The following GTF3C1 variants were observed in gnomAD, a reference collection of about 807,000 sequenced individuals.
GTF3C1 encodes the protein general transcription factor IIIC subunit 1.
A neutral mutation model predicts 226.7 loss-of-function variants in GTF3C1; 57 were observed. That is an observed-to-expected ratio of 0.25 (90% CI 0.20 to 0.31). The LOEUF (loss-of-function observed/expected upper bound fraction) is 0.31, where lower values mean the gene tolerates loss of function less well. Ranked by LOEUF, GTF3C1 falls within the 10% of genes least tolerant of loss-of-function variation. The pLI is 1.00. For missense variants in GTF3C1, 2,217 were observed against 2,776.1 expected, an observed-to-expected ratio of 0.80 and a Z score of 4.53; for synonymous variants, 1,090 against 1,084.8, an observed-to-expected ratio of 1.00 and a Z score of -0.09.
At chr16:27,546,450 T>C (rs1369863500) in intron 1 of GTF3C1, among the ~76,000 whole-genome samples, 1 of 146,212 alleles carries the variant, frequency 6.8e-6, no homozygotes, top group Non-Finnish European at 1.5e-5. Context: ...GCTTCTTTCA[T>C]GCAGTTAGCC....
intron 7 of GTF3C1, 37 bp downstream of exon 7, chr16:27,511,712 G>A: frequency 6.2e-7 from 1 of 1,607,364 alleles, no homozygotes; most frequent in Non-Finnish European, 8.5e-7. Flanking sequence ...CAAATTCTCG[G>A]GATCCATATC....
rs2087836598 is a variant in GTF3C1 at position 27,469,620 on chromosome 16, C to T, written c.4815-70G>A. On this transcript the variant is annotated intron_variant, in intron 31 of 36. Transcript: ENST00000356183. This position sits in a 1 kb window ranked among gnomAD's most constrained non-coding sequence, Gnocchi z 4.5. ...GTTGCTACTGCAGCCTCTCCCCTCC[C>T]TCAAGAGGCCTCTGTGGCTGGGCTT... is the stretch of plus-strand genomic sequence containing the variant. 1.3e-6 allele frequency: 2 copies of T among 1,512,450 alleles called. No individual in the cohort carries two copies. The highest frequency in any genetic ancestry group is 2.3e-5 in the East Asian group (1 of 43,954). The allele number at this position is 1,512,450 out of a possible 1,614,324, so 93.7% of individuals were successfully genotyped here.
intron 1 of GTF3C1, among the ~76,000 whole-genome samples, chr16:27,545,980 C>A (rs574884888): frequency 6.6e-6 from 1 of 152,192 alleles, no homozygotes; most frequent in Non-Finnish European, 1.5e-5. Flanking sequence ...TCCCAAGGAG[C>A]TGGGATTATA....
At position 27,489,539 on chromosome 16, in the gene GTF3C1, G is replaced by A. The variant is rs967647938; in HGVS notation, c.3293+63C>T. 68 of 1,322,422 alleles carry A rather than the reference G, an allele frequency of 5.1e-5. No homozygotes were observed. The African/African-American group carries it at 9.0e-4, about 18-fold the overall frequency. 81.9% of individuals were successfully genotyped at this position (1,322,422 alleles called of 1,614,324 possible). A position where few individuals can be genotyped will look rare whatever the true frequency, so the allele number is the denominator to read the frequency against. On this transcript the variant is annotated intron_variant, in intron 20 of 36. Transcript: ENST00000356183. ...TCCTAAGCCAGACAAGGGCGGGCAG[G>A]CATCTGAAATGAGCACCACCGCAGC...
At chr16:27,475,795 C>T (rs1207301722) in intron 29 of GTF3C1, among the ~76,000 whole-genome samples, 1 of 152,190 alleles carries the variant, frequency 6.6e-6, no homozygotes, top group Non-Finnish European at 1.5e-5. Flanking sequence ...ATCCAGTGAC[C>T]TCCCACAACC....
intron 1 of GTF3C1, among the ~76,000 whole-genome samples, chr16:27,547,307 T>A (rs1389030770): frequency 2.0e-5 from 3 of 152,188 alleles, no homozygotes; most frequent in Non-Finnish European, 4.4e-5. Flanking sequence ...GCTCAGTCCC[T>A]CCCTCTGGCC....
chr16:27,478,754 C>T (rs190462262), intron 27 of GTF3C1, among the ~76,000 whole-genome samples: 19 of 151,286 alleles, frequency 1.3e-4, no homozygotes, highest in African/African-American at 4.1e-4. Flanking sequence ...GTTCACTCAC[C>T]GACAATTATG....
intron 19 of GTF3C1, among the ~76,000 whole-genome samples, chr16:27,491,217 G>A (rs186461536): frequency 5.9e-5 from 9 of 152,314 alleles, no homozygotes; most frequent in Admixed American, 5.9e-4. Flanking sequence ...AAATCAAAGT[G>A]TGATACTGGA....
At chr16:27,465,620 A>G (rs1313116889) in intron 32 of GTF3C1, 80 bp from the exon 33 acceptor site, 2 of 1,142,562 alleles carry the variant, frequency 1.8e-6, no homozygotes, top group Non-Finnish European at 2.5e-6. Flanking sequence ...CACACCCAGG[A>G]AAGGCATGCT....
At chr16:27,489,321 T>C in intron 20 of GTF3C1, 143 bp from the exon 21 acceptor site, 1 of 886,420 alleles carries the variant, frequency 1.1e-6, no homozygotes, top group Non-Finnish European at 1.7e-6. Context: ...ATGAAGAACT[T>C]GGGGGCCCTA....
chr16:27,465,219 T>G lies in GTF3C1; in HGVS notation c.5355+41A>C, dbSNP rs964210949. 3 of 1,597,612 alleles carry G rather than the reference T, an allele frequency of 1.9e-6. No individual in the cohort carries two copies. In the African/African-American group the frequency reaches 4.0e-5, roughly 21 times the overall value. On this transcript the variant is annotated intron_variant, in intron 33 of 36. Coordinates refer to ENST00000356183, the MANE Select transcript of GTF3C1 (RefSeq NM_001520.4). ...TGCACCTGGCCTGGGAGCTGCAATT[T>G]CCGCTTCGGTGATATCCGGCTAACC... is the stretch of plus-strand genomic sequence containing the variant.
intron 19 of GTF3C1, among the ~76,000 whole-genome samples, chr16:27,490,195 G>A (rs1320959826): frequency 6.6e-6 from 1 of 152,228 alleles, no homozygotes. Context: ...TGCACTGCAC[G>A]CAGCAGGCCT....
intron 6 of GTF3C1, among the ~76,000 whole-genome samples, chr16:27,513,987 G>A (rs1158285350): frequency 7.2e-5 from 11 of 152,198 alleles, no homozygotes; most frequent in Admixed American, 6.5e-4. Flanking sequence ...TTTGGGGGCA[G>A]AGCATGTGGC....
At chr16:27,488,963 G>T in intron 21 of GTF3C1, 80 bp downstream of exon 21, 2 of 1,314,108 alleles carry the variant, frequency 1.5e-6, no homozygotes, top group Non-Finnish European at 2.2e-6. Flanking sequence ...CAGTATTTGT[G>T]TCTCTGGTCA....
intron 6 of GTF3C1, among the ~76,000 whole-genome samples, chr16:27,520,718 A>G (rs562618006): frequency 4.8e-4 from 73 of 152,102 alleles, no homozygotes; most frequent in Admixed American, 2.2e-3. Context: ...GAGGTCCCCA[A>G]TGCTTTTTTT....
intron 24 of GTF3C1, among the ~76,000 whole-genome samples, chr16:27,484,574 GA>G (rs1293261907): frequency 6.6e-6 from 1 of 152,240 alleles, no homozygotes; most frequent in Non-Finnish European, 1.5e-5. Flanking sequence ...TGACCAGCGG[GA>G]AAGAGTGTAT....
chr16:27,514,777 C>A (rs576381565), intron 6 of GTF3C1, among the ~76,000 whole-genome samples: 20 of 152,348 alleles, frequency 1.3e-4, no homozygotes, highest in African/African-American at 4.3e-4. Context: ...CAAACAAATG[C>A]CCCTTTGCTA....
Position 27,498,719 on chromosome 16 carries a change from C to T in GTF3C1, c.2076G>A (p.Val692=), listed in dbSNP as rs1207073499. The part of the protein sequence containing the change: ...DGIKKKVDLV[V]HPSMDQNDPL... ...GGTCGTTCTGGTCCATGGACGGGTG[C>T]ACCACCAGATCCACCTGGAGAGAGA... Residue 692 remains valine (V), a synonymous_variant, in exon 13 of 37, where the codon GTG becomes GTA. Transcript: ENST00000356183. The T allele has an allele frequency of 6.3e-7, 1 of 1,575,072 alleles. No individual in the cohort carries two copies. Among genetic ancestry groups the T allele is most frequent in the East Asian group, 2.2e-5 (1 of 44,688 alleles).
chr16:27,489,623 C>G lies in GTF3C1; in HGVS notation c.3272G>C (p.Cys1091Ser). 1 of 1,610,262 alleles carries G rather than the reference C, an allele frequency of 6.2e-7. No individual in the cohort carries two copies. Among genetic ancestry groups the G allele is most frequent in the East Asian group, 2.2e-5 (1 of 44,856 alleles). Reference protein sequence around the residue: ...AMDKHNLERKCAMLEYTTGSR... With the variant: ...AMDKHNLERKSAMLEYTTGSR... Reference sequence around the variant, plus strand: ...GCACGTGGTGTACTCCAGCATGGCGCACTTGCGCTCCAGGTTGTGCTTGTC... The same window carrying G: ...GCACGTGGTGTACTCCAGCATGGCGGACTTGCGCTCCAGGTTGTGCTTGTC... Residue 1091 changes from cysteine to serine, a missense_variant, in exon 20 of 37, where the codon TGC becomes TCC. Coordinates refer to ENST00000356183, the MANE Select transcript of GTF3C1 (RefSeq NM_001520.4).
Sources: gnomAD v4.1 joint callset for allele counts (sites outside exome capture counted in the v4.1 genomes callset) on GRCh38, gnomAD v4.1.1 for gene constraint, Gnocchi (gnomAD v3.1) non-coding constraint, MANE v1.5 for transcripts, NCBI Gene and HGNC (gene_info 2026-07-23, HGNC 2026-07-21) for gene names.